VEPH1: variants seen among roughly 807,000 people sequenced by gnomAD.
VEPH1 encodes the protein ventricular zone-expressed PH domain-containing protein homolog 1.
Under a neutral mutation model 85.2 loss-of-function variants are expected in VEPH1, and 80 were observed. That is an observed-to-expected ratio of 0.94 (90% confidence interval 0.78 to 1.13). The LOEUF (loss-of-function observed/expected upper bound fraction) is 1.13, where lower values mean the gene tolerates loss of function less well. Among genes scored for constraint, VEPH1 ranks in the 50% most tolerant of loss-of-function variants. The pLI is 0.00. For missense variants in VEPH1, 955 were observed against 980.5 expected, an observed-to-expected ratio of 0.97 and a Z score of 0.35; for synonymous variants, 297 against 348.0, an observed-to-expected ratio of 0.85 and a Z score of 1.63.
At chr3:157,451,610 G>C (rs180747141) in intron 4 of VEPH1, among the ~76,000 whole-genome samples, 1 of 152,262 alleles carries the variant, frequency 6.6e-6, no homozygotes, top group Admixed American at 6.5e-5. Context: ...TCACTCATAA[G>C]CATAAAAGAG....
chr3:157,426,146 T>C (rs1732737406), intron 5 of VEPH1, among the ~76,000 whole-genome samples: 1 of 152,158 alleles, frequency 6.6e-6, no homozygotes, highest in Admixed American at 6.5e-5. Flanking sequence ...CAGTCTTGGG[T>C]ATATCTTTAT....
chr3:157,392,166 T>C (rs1377506524), intron 6 of VEPH1, among the ~76,000 whole-genome samples: 1 of 152,080 alleles, frequency 6.6e-6, no homozygotes, highest in Non-Finnish European at 1.5e-5. Context: ...AACCACACAA[T>C]AGAAACAACA....
intron 9 of VEPH1, among the ~76,000 whole-genome samples, chr3:157,339,409 A>G (rs1018270566): frequency 6.6e-6 from 1 of 152,202 alleles, no homozygotes; most frequent in Non-Finnish European, 1.5e-5. Flanking sequence ...TTGTTGCTGC[A>G]TGGATTTCTG....
chr3:157,416,473 T>TC (rs1731921870), intron 5 of VEPH1, among the ~76,000 whole-genome samples: 1 of 152,162 alleles, frequency 6.6e-6, no homozygotes, highest in Non-Finnish European at 1.5e-5. Context: ...CCATGCGAGG[T>TC]CCCTGGCATA....
intron 4 of VEPH1, among the ~76,000 whole-genome samples, chr3:157,453,236 T>C (rs890427904): frequency 1.1e-4 from 16 of 152,202 alleles, no homozygotes; most frequent in Non-Finnish European, 8.8e-5. Flanking sequence ...GAATCAACCA[T>C]CTGGGAAGTC....
At chr3:157,424,240 A>G (rs956109639) in intron 5 of VEPH1, among the ~76,000 whole-genome samples, 2 of 152,222 alleles carry the variant, frequency 1.3e-5, no homozygotes, top group Non-Finnish European at 2.9e-5. Flanking sequence ...CCACCATGTA[A>G]GAAGTGCCTT....
intron 7 of VEPH1, among the ~76,000 whole-genome samples, chr3:157,368,965 A>G (rs1448893990): frequency 6.6e-6 from 1 of 151,806 alleles, no homozygotes; most frequent in African/African-American, 2.4e-5. Flanking sequence ...ACTCTGGGAT[A>G]AATCCCTGCT....
intron 4 of VEPH1, chr3:157,436,744 C>A: frequency 2.2e-6 from 1 of 460,068 alleles, no homozygotes; most frequent in Non-Finnish European, 3.8e-6. Flanking sequence ...CCCTCCCCCA[C>A]CAAATTCAGG....
intron 7 of VEPH1, among the ~76,000 whole-genome samples, chr3:157,367,269 A>G (rs1726815204): frequency 6.6e-6 from 1 of 152,198 alleles, no homozygotes; most frequent in Non-Finnish European, 1.5e-5. Flanking sequence ...TCTGACATAT[A>G]TATGATATTG....
chr3:157,445,127 G>T (rs1734442956), intron 4 of VEPH1, among the ~76,000 whole-genome samples: 1 of 152,136 alleles, frequency 6.6e-6, no homozygotes, highest in Admixed American at 6.5e-5. Context: ...TGGAATTTCA[G>T]CAACCATCTT....
At chr3:157,483,186 T>C (rs1738296936) in intron 2 of VEPH1, among the ~76,000 whole-genome samples, 1 of 151,696 alleles carries the variant, frequency 6.6e-6, no homozygotes, top group African/African-American at 2.4e-5. Context: ...ATGCCATTTA[T>C]TCTATCACTT....
At chr3:157,499,238 C>G (rs1228845012) in intron 1 of VEPH1, among the ~76,000 whole-genome samples, 1 of 146,580 alleles carries the variant, frequency 6.8e-6, no homozygotes, top group Admixed American at 7.1e-5. Flanking sequence ...TGAGGCCCAC[C>G]TTCTCATTAT....
intron 8 of VEPH1, 71 bp from the exon 9 acceptor site, chr3:157,363,832 T>C (rs995317661): frequency 1.6e-5 from 25 of 1,529,454 alleles, no homozygotes; most frequent in Non-Finnish European, 1.9e-5. Context: ...GAAATAATAA[T>C]AATATTGGGA....
At chr3:157,283,334 C>G (rs2108355566) in intron 12 of VEPH1, among the ~76,000 whole-genome samples, 1 of 152,218 alleles carries the variant, frequency 6.6e-6, no homozygotes. Flanking sequence ...TTTCAGTTTT[C>G]TGATCTGTAA....
chr3:157,303,271 T>C (rs1426905504), intron 11 of VEPH1, among the ~76,000 whole-genome samples: 1 of 152,236 alleles, frequency 6.6e-6, no homozygotes, highest in Non-Finnish European at 1.5e-5. Context: ...AAATGCTCAT[T>C]TTCTTTAAGC....
At position 157,438,069 on chromosome 3, in the gene VEPH1, A is replaced by ACACACACC. The variant is rs1237245016; in HGVS notation, c.530-9582_530-9581insGGTGTGTG. ...CACACACACACACACACACACACAC[A>ACACACACC]CACCCCTATTTCTGCATGCGCGGTC... is the stretch of plus-strand genomic sequence containing the variant. On this transcript the variant is annotated intron_variant, in intron 4 of 13. Coordinates refer to ENST00000362010, the MANE Select transcript of VEPH1 (RefSeq NM_001167912.2). Among the ~76,000 whole-genome samples the ACACACACC allele has an allele frequency of 1.1e-3, 161 of 149,636 alleles. 2 individuals are homozygous for ACACACACC. The highest frequency in any genetic ancestry group is 3.6e-3 in the African/African-American group (143 of 40,178).
At chr3:157,432,671 A>G (rs1320641477) in intron 4 of VEPH1, among the ~76,000 whole-genome samples, 1 of 152,134 alleles carries the variant, frequency 6.6e-6, no homozygotes, top group Non-Finnish European at 1.5e-5. Context: ...TAATTACAAT[A>G]ATTTTATAAT....
At chr3:157,423,300 A>G (rs1732495781) in intron 5 of VEPH1, among the ~76,000 whole-genome samples, 1 of 152,214 alleles carries the variant, frequency 6.6e-6, no homozygotes, top group African/African-American at 2.4e-5. Context: ...AGTAACACAG[A>G]ATTCCCCAGT....
intron 9 of VEPH1, among the ~76,000 whole-genome samples, chr3:157,340,594 G>C (rs1179205238): frequency 6.6e-6 from 1 of 152,196 alleles, no homozygotes. Flanking sequence ...CTCCACCTCT[G>C]GAGGCAGGGC....
Sources: allele counts gnomAD v4.1 joint callset (sites outside exome capture counted in the v4.1 genomes callset), GRCh38; gene constraint gnomAD v4.1.1; transcripts MANE v1.5; gene names NCBI Gene and HGNC (gene_info 2026-07-23, HGNC 2026-07-21).